The following TECRL variants were observed in gnomAD, a reference collection of about 807,000 sequenced individuals.
The protein encoded by TECRL is trans-2,3-enoyl-CoA reductase like, also known as trans-2,3-enoyl-CoA reductase-like.
Under a neutral mutation model 52.8 loss-of-function variants are expected in TECRL, and 63 were observed. The ratio of observed to expected loss-of-function variants is 1.19; its 90% CI spans 0.97 to 1.47. The LOEUF (loss-of-function observed/expected upper bound fraction) is 1.47. Among genes scored for constraint, TECRL ranks in the 40% most tolerant of loss-of-function variants. The pLI is 0.00. For missense variants in TECRL, 482 were observed against 429.6 expected, an observed-to-expected ratio of 1.12 and a Z score of -1.08; for synonymous variants, 164 against 141.9, an observed-to-expected ratio of 1.16 and a Z score of -1.10.
chr4:64,355,415 T>TA (rs67458196), intron 2 of TECRL, among the ~76,000 whole-genome samples: 86 of 151,346 alleles, frequency 5.7e-4, no homozygotes, highest in Non-Finnish European at 1.0e-3. Flanking sequence ...CTCTCCAAAT[T>TA]AAAAAAAAAA....
intron 7 of TECRL, 145 bp from the exon 8 acceptor site, chr4:64,300,162 AC>A (rs1017940425): frequency 3.8e-5 from 18 of 478,768 alleles, no homozygotes; most frequent in Admixed American, 3.5e-4. Flanking sequence ...TTGGGATGAT[AC>A]TTTTGCAATC....
At chr4:64,361,602 C>A (rs1209473194) in intron 2 of TECRL, among the ~76,000 whole-genome samples, 1 of 152,110 alleles carries the variant, frequency 6.6e-6, no homozygotes, top group Non-Finnish European at 1.5e-5. Context: ...GAGTGCTGAG[C>A]TAAACCTACA....
intron 1 of TECRL, among the ~76,000 whole-genome samples, chr4:64,381,163 A>T (rs1722764080): frequency 6.6e-6 from 1 of 151,994 alleles, no homozygotes; most frequent in South Asian, 2.1e-4. Context: ...TGTAAATGAG[A>T]TAAAATTATT....
At chr4:64,309,549 C>T (rs753527758) in intron 6 of TECRL, among the ~76,000 whole-genome samples, 5 of 152,110 alleles carry the variant, frequency 3.3e-5, no homozygotes, top group Non-Finnish European at 5.9e-5. Flanking sequence ...CTCAAATAAT[C>T]TGAATTCAGT....
intron 2 of TECRL, among the ~76,000 whole-genome samples, chr4:64,339,234 G>A (rs950438240): frequency 6.5e-5 from 9 of 138,614 alleles, no homozygotes; most frequent in South Asian, 2.3e-4. Flanking sequence ...ATTGAACAAT[G>A]AGAACACTTG....
intron 1 of TECRL, among the ~76,000 whole-genome samples, chr4:64,400,513 A>G (rs1178024443): frequency 6.6e-6 from 1 of 152,184 alleles, no homozygotes; most frequent in Non-Finnish European, 1.5e-5. Context: ...GACCAAGGGC[A>G]GAAAAAATAT....
chr4:64,402,374 T>C (rs1724413522), intron 1 of TECRL, among the ~76,000 whole-genome samples: 1 of 152,084 alleles, frequency 6.6e-6, no homozygotes, highest in Admixed American at 6.6e-5. Context: ...CTCACTATTT[T>C]ATGATTAAAA....
At chr4:64,301,008 A>G (rs1448763244) in intron 7 of TECRL, among the ~76,000 whole-genome samples, 1 of 150,972 alleles carries the variant, frequency 6.6e-6, no homozygotes. Flanking sequence ...ATTTAAAAGC[A>G]TATTTTAGTT....
chr4:64,367,172 G>A (rs374026546), intron 2 of TECRL, among the ~76,000 whole-genome samples: 1 of 151,966 alleles, frequency 6.6e-6, no homozygotes, highest in African/African-American at 2.4e-5. Context: ...CTTATAAGTG[G>A]GAGCAAAGCA....
chr4:64,337,921 GA>G (rs1309571699), intron 2 of TECRL, among the ~76,000 whole-genome samples: 1 of 152,060 alleles, frequency 6.6e-6, no homozygotes, highest in Admixed American at 6.6e-5. Context: ...CACAGAATTG[GA>G]AAAAACTACC....
intron 5 of TECRL, among the ~76,000 whole-genome samples, chr4:64,312,776 A>AAG (rs1717133490): frequency 6.6e-6 from 1 of 151,730 alleles, no homozygotes; most frequent in Non-Finnish European, 1.5e-5. Flanking sequence ...CAAAAAAAAA[A>AAG]AAAATGTAAA....
At chr4:64,352,451 C>G (rs1720466846) in intron 2 of TECRL, among the ~76,000 whole-genome samples, 2 of 152,068 alleles carry the variant, frequency 1.3e-5, no homozygotes, top group African/African-American at 4.8e-5. Context: ...TTACAGGAAG[C>G]CTGCATGATT....
chr4:64,300,090 G>T, intron 7 of TECRL, 73 bp from the exon 8 acceptor site: 2 of 1,180,380 alleles, frequency 1.7e-6, no homozygotes, highest in South Asian at 1.6e-5. Context: ...ACATAATTCA[G>T]GCAGTATTTA....
chr4:64,305,069 T>C (rs1724249740), intron 7 of TECRL, 97 bp downstream of exon 7: 1 of 853,934 alleles, frequency 1.2e-6, no homozygotes, highest in African/African-American at 1.7e-5. Flanking sequence ...AAATGAATTG[T>C]TTCATTTTTT....
At chr4:64,313,444 T>C (rs186054544) in intron 5 of TECRL, among the ~76,000 whole-genome samples, 12 of 149,540 alleles carry the variant, frequency 8.0e-5, no homozygotes, top group Admixed American at 7.3e-4. Flanking sequence ...AACACCACAA[T>C]TATATAGAAT....
chr4:64,393,598 T>C (rs1404781609), intron 1 of TECRL, among the ~76,000 whole-genome samples: 1 of 152,054 alleles, frequency 6.6e-6, no homozygotes, highest in Non-Finnish European at 1.5e-5. Flanking sequence ...TCTTAAAATA[T>C]ATTTTATCAG....
At chr4:64,360,908 G>T (rs577525767) in intron 2 of TECRL, among the ~76,000 whole-genome samples, 1 of 152,172 alleles carries the variant, frequency 6.6e-6, no homozygotes, top group South Asian at 2.1e-4. Context: ...TGCATAGGGC[G>T]CAGAAGGTTT....
intron 8 of TECRL, among the ~76,000 whole-genome samples, chr4:64,296,924 T>A (rs776258963): frequency 4.6e-5 from 7 of 151,606 alleles, no homozygotes; most frequent in Admixed American, 2.0e-4. Context: ...CTCCTTAATT[T>A]TTCCTGTAGA....
intron 1 of TECRL, among the ~76,000 whole-genome samples, chr4:64,377,465 C>T (rs1197013330): frequency 6.6e-6 from 1 of 151,994 alleles, no homozygotes. Context: ...AGTTTTACAA[C>T]ATCTTAAAAA....
Sources: gnomAD v4.1 joint callset for allele counts (sites outside exome capture counted in the v4.1 genomes callset) on GRCh38, gnomAD v4.1.1 for gene constraint, MANE v1.5 for transcripts, NCBI Gene and HGNC (gene_info 2026-07-23, HGNC 2026-07-21) for gene names.